Variants in BAZ1A observed in about 807,000 individuals in gnomAD.
The protein encoded by BAZ1A is bromodomain adjacent to zinc finger domain 1A, also known as bromodomain adjacent to zinc finger domain protein 1A.
A neutral mutation model predicts 185.2 loss-of-function variants in BAZ1A; 50 were observed. That is an observed-to-expected ratio of 0.27 (90% confidence interval 0.22 to 0.34). BAZ1A has a LOEUF of 0.34. BAZ1A is among the 10% of genes least tolerant of loss of function. The pLI is 1.00. For synonymous variants in BAZ1A, 571 were observed against 615.6 expected, an observed-to-expected ratio of 0.93 and a Z score of 1.07; for missense variants, 1,356 against 1,839.9, an observed-to-expected ratio of 0.74 and a Z score of 4.81.
At chr14:34,821,054 A>T (rs1009282292) in intron 4 of BAZ1A, among the ~76,000 whole-genome samples, 1 of 152,228 alleles carries the variant, frequency 6.6e-6, no homozygotes, top group African/African-American at 2.4e-5. Context: ...CCGTCTCTCC[A>T]TATAAACTTT....
chr14:34,769,617 C>A (rs1297905234), intron 21 of BAZ1A, among the ~76,000 whole-genome samples: 2 of 152,022 alleles, frequency 1.3e-5, no homozygotes, highest in African/African-American at 4.8e-5. Flanking sequence ...GATTTTCCCC[C>A]CTTCAACTTA....
chr14:34,795,619 A>G, intron 10 of BAZ1A, 51 bp downstream of exon 10: 1 of 1,284,178 alleles, frequency 7.8e-7, no homozygotes, highest in Non-Finnish European at 1.1e-6. Flanking sequence ...GCAAAGCCAC[A>G]TAGGACATGT....
At chr14:34,788,356 T>C (rs2138623712) in intron 12 of BAZ1A, among the ~76,000 whole-genome samples, 1 of 152,252 alleles carries the variant, frequency 6.6e-6, no homozygotes. Context: ...CAGGCTGGAG[T>C]GCAGTGCTGC....
intron 4 of BAZ1A, among the ~76,000 whole-genome samples, chr14:34,817,379 A>G (rs2042022084): frequency 6.6e-6 from 1 of 152,160 alleles, no homozygotes; most frequent in Non-Finnish European, 1.5e-5. Context: ...CTTGAGGCCA[A>G]GAGTTTGAGA....
At chr14:34,862,784 T>TAAA (rs35545761) in intron 2 of BAZ1A, among the ~76,000 whole-genome samples, 12 of 140,386 alleles carry the variant, frequency 8.5e-5, no homozygotes, top group Non-Finnish European at 1.7e-4. Context: ...ATTTGTGTTA[T>TAAA]AAAAAAAAAA....
intron 3 of BAZ1A, among the ~76,000 whole-genome samples, chr14:34,846,678 A>G (rs1385547951): frequency 1.3e-5 from 2 of 152,202 alleles, no homozygotes; most frequent in African/African-American, 4.8e-5. Flanking sequence ...CCCAATTTAT[A>G]CTATTATGCA....
chr14:34,868,720 G>A (rs2042901464), intron 2 of BAZ1A, among the ~76,000 whole-genome samples: 1 of 151,924 alleles, frequency 6.6e-6, no homozygotes, highest in South Asian at 2.1e-4. Context: ...AGAATCGCTT[G>A]AACCAGGGTG....
At chr14:34,786,495 G>A in intron 12 of BAZ1A, 1 of 273,272 alleles carries the variant, frequency 3.7e-6, no homozygotes, top group Non-Finnish European at 6.8e-6. Context: ...TCCCCCAAAA[G>A]ATAAAATGCA....
chr14:34,755,731 C>CATAT (rs140471249), intron 25 of BAZ1A, among the ~76,000 whole-genome samples: 3,008 of 151,060 alleles, frequency 0.02, 41 homozygotes, highest in South Asian at 0.043. Context: ...CACATTCTGC[C>CATAT]ATATATATAT....
At chr14:34,823,646 A>G (rs1190555063) in intron 4 of BAZ1A, among the ~76,000 whole-genome samples, 6 of 152,140 alleles carry the variant, frequency 3.9e-5, no homozygotes, top group Admixed American at 3.3e-4. Context: ...GGGCAACAAG[A>G]GCGAAACTCC....
At chr14:34,796,434 T>C (rs1881203775) in intron 9 of BAZ1A, among the ~76,000 whole-genome samples, 1 of 152,226 alleles carries the variant, frequency 6.6e-6, no homozygotes, top group Non-Finnish European at 1.5e-5. Context: ...AAAATGAAAC[T>C]TCCCCTTATG....
Position 34,875,279 on chromosome 14 carries a change from C to G in BAZ1A, c.-200G>C, listed in dbSNP as rs1306345077. The G allele has an allele frequency of 2.2e-6, 1 of 455,662 alleles. No homozygotes were observed. The highest frequency in any genetic ancestry group is 2.3e-5 in the Admixed American group (1 of 42,578). 28.2% of individuals were successfully genotyped at this position (455,662 alleles called of 1,614,324 possible). On this transcript the variant is annotated 5_prime_UTR_variant, in exon 1 of 27. Transcript: ENST00000360310. ...TTCTCCCGCTGCCACTGCCCGACTCCGCGCGGGGAATTGCGTCCCACCGCC... is the reference window on the plus strand; with the variant it reads ...TTCTCCCGCTGCCACTGCCCGACTCGGCGCGGGGAATTGCGTCCCACCGCC...
intron 5 of BAZ1A, among the ~76,000 whole-genome samples, chr14:34,810,277 G>T (rs1307819039): frequency 6.6e-6 from 1 of 152,090 alleles, no homozygotes; most frequent in Admixed American, 6.6e-5. Flanking sequence ...CAACAATAGG[G>T]ATTTTCCTAA....
Position 34,780,358 on chromosome 14 carries a change from C to T in BAZ1A, c.2112-48G>A, listed in dbSNP as rs575806025. The T allele has an allele frequency of 1.9e-5, 30 of 1,542,998 alleles. 1 individual carries two copies. The South Asian group carries it at 3.0e-4, about 15-fold the overall frequency. ...ACATTTACTAATGAATATATAATTC[C>T]ATTTATGAAATATTTATTGCTTGCT... On this transcript the variant is annotated intron_variant, in intron 16 of 26. Coordinates refer to ENST00000360310, the MANE Select transcript of BAZ1A (RefSeq NM_013448.3).
chr14:34,858,627 A>G (rs561157494), intron 3 of BAZ1A, among the ~76,000 whole-genome samples: 217 of 152,214 alleles, frequency 1.4e-3, no homozygotes, highest in African/African-American at 5.2e-3. Flanking sequence ...CAATTTAAAA[A>G]ATTTTTATCA....
At chr14:34,855,893 G>T (rs1448831160) in intron 3 of BAZ1A, among the ~76,000 whole-genome samples, 5 of 152,046 alleles carry the variant, frequency 3.3e-5, no homozygotes, top group Non-Finnish European at 7.4e-5. Flanking sequence ...ACAAGAGTGA[G>T]AAACTATCTC....
In BAZ1A at chr14:34,774,466, G is replaced by T. The variant is rs1471362782; in HGVS notation, c.2858C>A (p.Pro953Gln). 6.2e-7 allele frequency: 1 copy of T among 1,602,048 alleles called. No homozygotes were observed. Among genetic ancestry groups the T allele is most frequent in the South Asian group, 1.1e-5 (1 of 88,212 alleles). ...GGAAGATCTTCCCCGACTATATGTT[G>T]GTTTGCTATCAGGCTGAGGTTTGTC... ...FSDKPQPDSK[P>Q]TYSRGRSSNA... is the part of the protein sequence containing the mutation. Residue 953 changes from proline (P) to glutamine (Q), a missense_variant, in exon 19 of 27, where the codon CCA becomes CAA. By Grantham distance (76) the Pro-to-Gln change is moderately conservative. This residue lies in a region of BAZ1A where 434 missense variants were observed against 561.7 expected (regional missense o/e 0.77). Coordinates refer to ENST00000360310, the MANE Select transcript of BAZ1A (RefSeq NM_013448.3).
chr14:34,808,052 C>T (rs1038570291), intron 5 of BAZ1A, among the ~76,000 whole-genome samples: 1 of 151,858 alleles, frequency 6.6e-6, no homozygotes, highest in African/African-American at 2.4e-5. Flanking sequence ...GCCAAGATCA[C>T]ACCAGTGCAC....
At chr14:34,843,395 G>C (rs1039862035) in intron 3 of BAZ1A, among the ~76,000 whole-genome samples, 3 of 152,162 alleles carry the variant, frequency 2.0e-5, no homozygotes, top group African/African-American at 7.2e-5. Context: ...TCGCTGCTGG[G>C]ATCTTTCTAC....
Sources: allele counts gnomAD v4.1 joint callset (sites outside exome capture counted in the v4.1 genomes callset), GRCh38; gene constraint gnomAD v4.1.1; regional missense constraint gnomAD v4.1.1; transcripts MANE v1.5; gene names NCBI Gene and HGNC (gene_info 2026-07-23, HGNC 2026-07-21).